Variants in BAIAP2L1 observed in about 807,000 individuals in gnomAD.
BAIAP2L1 encodes the protein BAR/IMD domain containing adaptor protein 2 like 1.
In BAIAP2L1, 35 loss-of-function variants were observed where a neutral mutation model predicts 66.3. That is an observed-to-expected ratio of 0.53 (90% CI 0.40 to 0.70). The LOEUF is 0.70. Among genes scored for constraint, BAIAP2L1 ranks in the 30% least tolerant of loss-of-function variants. BAIAP2L1 has a pLI of 0.00. For missense variants in BAIAP2L1, 622 were observed against 656.9 expected, an observed-to-expected ratio of 0.95 and a Z score of 0.58; for synonymous variants, 269 against 248.7, an observed-to-expected ratio of 1.08 and a Z score of -0.77.
chr7:98,373,612 T>C (rs1383120591), intron 1 of BAIAP2L1, among the ~76,000 whole-genome samples: 1 of 152,138 alleles, frequency 6.6e-6, no homozygotes, highest in Non-Finnish European at 1.5e-5. Context: ...TCATGATACT[T>C]TCTAGCTCAT....
At chr7:98,333,721 G>A (rs1801550587) in intron 3 of BAIAP2L1, among the ~76,000 whole-genome samples, 1 of 151,684 alleles carries the variant, frequency 6.6e-6, no homozygotes, top group Non-Finnish European at 1.5e-5. Flanking sequence ...GAATACCAAG[G>A]GATAACTACC....
rs940243585 is a variant in BAIAP2L1, at chr7:98,292,560, G to A, written c.*961C>T. On this transcript the variant is annotated 3_prime_UTR_variant, in exon 14 of 14. Transcript: ENST00000005260. ...GCCCCGGGCTCAGGGCAGCCAGTGC[G>A]TAGTCCTCACATCCATACCATAGGG... 8.0e-6 allele frequency: 11 copies of A among 1,374,270 alleles called. No individual in the cohort carries two copies. Among genetic ancestry groups the A allele is most frequent in the South Asian group, 2.5e-5 (2 of 80,230 alleles). The allele number at this position is 1,374,270 out of a possible 1,614,324, so 85.1% of individuals were successfully genotyped here.
intron 3 of BAIAP2L1, among the ~76,000 whole-genome samples, chr7:98,344,223 C>T (rs1011452035): frequency 6.6e-6 from 1 of 152,172 alleles, no homozygotes; most frequent in East Asian, 1.9e-4. Flanking sequence ...CTGGTCATCC[C>T]TGGCTGTAGT....
intron 5 of BAIAP2L1, 83 bp downstream of exon 5, chr7:98,319,975 G>T: frequency 1.9e-6 from 2 of 1,074,042 alleles, no homozygotes; most frequent in Non-Finnish European, 2.8e-6. Context: ...TGCTGCTGAT[G>T]AGTCAACAGT....
At chr7:98,308,104 G>C (rs754685206) in intron 9 of BAIAP2L1, 2 of 682,448 alleles carry the variant, frequency 2.9e-6, no homozygotes. Context: ...GCAGCCTGAA[G>C]GCATGCACCG....
At chr7:98,371,343 C>T (rs1802506501) in intron 1 of BAIAP2L1, among the ~76,000 whole-genome samples, 2 of 152,172 alleles carry the variant, frequency 1.3e-5, no homozygotes, top group Admixed American at 1.3e-4. Context: ...TTGCACAATA[C>T]ATTCTAGGCT....
At chr7:98,370,433 C>T (rs1321061617) in intron 1 of BAIAP2L1, among the ~76,000 whole-genome samples, 1 of 150,148 alleles carries the variant, frequency 6.7e-6, no homozygotes, top group African/African-American at 2.4e-5. Flanking sequence ...AGTTTTTAAG[C>T]TTGAAAAGTT....
rs570900803 is a variant in BAIAP2L1 at position 98,332,285 on chromosome 7, A to C, written c.215-11987T>G. 2.1e-4 allele frequency among the ~76,000 whole-genome samples: 29 copies of C among 140,980 alleles called. No homozygotes were observed. The South Asian group carries it at 7.2e-3, about 35-fold the overall frequency. The allele number at this position is 140,980 out of a possible 152,430, so 92.5% of individuals were successfully genotyped here. ...GTAATCCCAGCTACTCGGGAGGCTG[A>C]GGCAGGAGAATTGCTTGAATTCAGG... On this transcript the variant is annotated intron_variant, in intron 3 of 13. Coordinates refer to ENST00000005260, the MANE Select transcript of BAIAP2L1 (RefSeq NM_018842.5).
Position 98,293,463 on chromosome 7 carries a change from C to T in BAIAP2L1, c.*58G>A, listed in dbSNP as rs897507608. The T allele has an allele frequency of 2.1e-4, 309 of 1,505,464 alleles. No individual in the cohort carries two copies. The highest frequency in any genetic ancestry group is 2.0e-4 in the Non-Finnish European group (219 of 1,083,484). The allele number at this position is 1,505,464 out of a possible 1,614,324, so 93.3% of individuals were successfully genotyped here. A position where few individuals can be genotyped will look rare whatever the true frequency, so the allele number is the denominator to read the frequency against. ...CCGTCAGCACGTGGCAGACAGGATG[C>T]GCCCATCATTCCGCAAGGGAGAACC... On this transcript the variant is annotated 3_prime_UTR_variant, in exon 14 of 14. Transcript: ENST00000005260.
At chr7:98,310,621 TTAGTA>T in intron 8 of BAIAP2L1, 29 bp from the exon 9 acceptor site, 1 of 1,530,778 alleles carries the variant, frequency 6.5e-7, no homozygotes, top group African/African-American at 1.4e-5. Context: ...TAGTCCAATA[TTAGTA>T]TAGTGCAGAA....
chr7:98,321,290 T>C lies in BAIAP2L1; in HGVS notation c.215-992A>G, dbSNP rs1225540641. Among the ~76,000 whole-genome samples, 7 of 152,252 alleles carry C rather than the reference T, an allele frequency of 4.6e-5. No homozygotes were observed. In the East Asian group the frequency reaches 1.3e-3, roughly 29 times the overall value. The stretch of plus-strand genomic sequence containing the variant: ...AACTCTAGGAATAAAAAATGATTTA[T>C]TTTTATCGAATCCCCAGAGTAATCT... On this transcript the variant is annotated intron_variant, in intron 3 of 13. Transcript: ENST00000005260.
intron 1 of BAIAP2L1, among the ~76,000 whole-genome samples, chr7:98,395,560 C>T (rs1211104575): frequency 6.6e-6 from 1 of 151,974 alleles, no homozygotes; most frequent in Non-Finnish European, 1.5e-5. Flanking sequence ...GGTGGTTACA[C>T]AGGTGTGTTC....
At chr7:98,349,192 A>G (rs1801944237) in intron 3 of BAIAP2L1, among the ~76,000 whole-genome samples, 1 of 152,188 alleles carries the variant, frequency 6.6e-6, no homozygotes, top group Admixed American at 6.5e-5. Context: ...GTTTACCCTT[A>G]GGGCCTATCA....
Position 98,324,117 on chromosome 7 carries a change from T to C in BAIAP2L1, c.215-3819A>G, listed in dbSNP as rs181456804. Among the ~76,000 whole-genome samples, 99 of 152,342 alleles carry C rather than the reference T, an allele frequency of 6.5e-4. No individual in the cohort carries two copies. In the East Asian group the frequency reaches 0.016, roughly 25 times the overall value. On this transcript the variant is annotated intron_variant, in intron 3 of 13. Transcript: ENST00000005260. ...CGCCCCAATAAGAAACACACCACTG[T>C]GCTGTGCACACTGGGGCGCCTGCTT...
chr7:98,319,796 C>G (rs949549935), intron 5 of BAIAP2L1, among the ~76,000 whole-genome samples: 4 of 152,158 alleles, frequency 2.6e-5, no homozygotes, highest in Non-Finnish European at 5.9e-5. Flanking sequence ...AGTGATCCGC[C>G]TGCCTTGGCC....
intron 3 of BAIAP2L1, among the ~76,000 whole-genome samples, chr7:98,322,593 CGTGTGAAGTCACCAAGACATG>C (rs1444969820): frequency 2.0e-5 from 3 of 152,176 alleles, no homozygotes; most frequent in Non-Finnish European, 4.4e-5. Flanking sequence ...TGGGGCATGG[CGTGTGAAGTCACCAAGACATG>C]TTCACCAGGT....
At position 98,293,539 on chromosome 7, in the gene BAIAP2L1, C is replaced by A. The variant is rs12728; in HGVS notation, c.1518G>T (p.Ser506=). Residue 506 remains serine, a synonymous_variant, in exon 14 of 14, where the codon TCG becomes TCT. Coordinates refer to ENST00000005260, the MANE Select transcript of BAIAP2L1 (RefSeq NM_018842.5). ...KLRPTVTNDR[S]APIIR The stretch of plus-strand genomic sequence containing the variant: ...TGTCCTCTCATCGAATGATGGGTGC[C>A]GAGCGATCATTCGTCACAGTCGGGC... 1.9e-6 allele frequency: 3 copies of A among 1,613,156 alleles called. No homozygotes were observed. Among genetic ancestry groups the A allele is most frequent in the East Asian group, 2.2e-5 (1 of 44,872 alleles).
In BAIAP2L1 at chr7:98,311,673, C is replaced by T. The variant is rs890397195; in HGVS notation, c.807+424G>A. Among the ~76,000 whole-genome samples, 5 of 151,930 alleles carry T rather than the reference C, an allele frequency of 3.3e-5. 1 individual carries two copies. ...CTGTAATCCCAGCACTTTGGGAGGC[C>T]GAGGCAGACAGATCACGAGGTCAGG... On this transcript the variant is annotated intron_variant, in intron 8 of 13. Coordinates refer to ENST00000005260, the MANE Select transcript of BAIAP2L1 (RefSeq NM_018842.5).
chr7:98,380,966 G>A (rs905078009), intron 1 of BAIAP2L1, among the ~76,000 whole-genome samples: 1 of 151,998 alleles, frequency 6.6e-6, no homozygotes, highest in African/African-American at 2.4e-5. Flanking sequence ...GCACAGCCCA[G>A]CATACTGAGA....
Sources: gnomAD v4.1 joint callset for allele counts (sites outside exome capture counted in the v4.1 genomes callset) on GRCh38, gnomAD v4.1.1 for gene constraint, MANE v1.5 for transcripts, NCBI Gene and HGNC (gene_info 2026-07-23, HGNC 2026-07-21) for gene names.